Variants in EYA2 observed in about 807,000 individuals in gnomAD.
The protein encoded by EYA2 is EYA transcriptional coactivator and phosphatase 2.
In EYA2, 31 loss-of-function variants were observed where a neutral mutation model predicts 69.2. The observed-to-expected ratio is 0.45, with a 90% confidence interval of 0.34 to 0.60. The LOEUF (loss-of-function observed/expected upper bound fraction) is 0.60, where lower values mean the gene tolerates loss of function less well. Ranked by LOEUF, EYA2 falls within the 20% of genes least tolerant of loss-of-function variation. The pLI, the probability that EYA2 is intolerant of heterozygous loss-of-function variation, is 0.02. For synonymous variants in EYA2, 257 were observed against 279.4 expected, an observed-to-expected ratio of 0.92 and a Z score of 0.80; for missense variants, 622 against 701.2, an observed-to-expected ratio of 0.89 and a Z score of 1.28.
intron 5 of EYA2, among the ~76,000 whole-genome samples, chr20:47,047,260 T>TGA (rs1475066844): frequency 6.6e-6 from 1 of 152,092 alleles, no homozygotes; most frequent in Non-Finnish European, 1.5e-5. Context: ...AGTGCGTGGA[T>TGA]GATCTGAGAC....
At chr20:46,934,874 T>C (rs1052704068) in intron 1 of EYA2, among the ~76,000 whole-genome samples, 9 of 152,212 alleles carry the variant, frequency 5.9e-5, no homozygotes, top group African/African-American at 2.2e-4. Flanking sequence ...GCCAGATGAT[T>C]GAAATCCTTG....
chr20:47,001,159 T>G (rs1213189618), intron 2 of EYA2, among the ~76,000 whole-genome samples: 3 of 152,102 alleles, frequency 2.0e-5, no homozygotes, highest in Non-Finnish European at 4.4e-5. Context: ...AGAAATGGAC[T>G]CTACTCTGAT....
At chr20:47,083,404 C>T (rs1026448229) in intron 7 of EYA2, among the ~76,000 whole-genome samples, 2 of 152,012 alleles carry the variant, frequency 1.3e-5, no homozygotes, top group African/African-American at 2.4e-5. Flanking sequence ...TGATGAAACC[C>T]CGTCTCTACT....
intron 5 of EYA2, among the ~76,000 whole-genome samples, chr20:47,056,732 A>ATTT: frequency 6.6e-6 from 1 of 152,094 alleles, no homozygotes; most frequent in African/African-American, 2.4e-5. Context: ...AGGAGACAGG[A>ATTT]CCCTGCTCTT....
chr20:46,916,713 G>A (rs1317072244), intron 1 of EYA2, among the ~76,000 whole-genome samples: 1 of 152,110 alleles, frequency 6.6e-6, no homozygotes, highest in Non-Finnish European at 1.5e-5. Context: ...TATAGTGGGG[G>A]GCTTTTGGAG....
chr20:47,028,340 C>G (rs567041278), intron 5 of EYA2, among the ~76,000 whole-genome samples: 1 of 152,234 alleles, frequency 6.6e-6, no homozygotes, highest in African/African-American at 2.4e-5. Context: ...TAGGTTTTTC[C>G]TAGACATGCA....
intron 5 of EYA2, among the ~76,000 whole-genome samples, chr20:47,049,593 C>T (rs1482919097): frequency 1.8e-5 from 1 of 55,602 alleles, no homozygotes; most frequent in Non-Finnish European, 5.5e-5. Context: ...CGTCGTGTGA[C>T]ACCCCCTGCT....
At chr20:46,911,295 T>A (rs1019205335) in intron 1 of EYA2, among the ~76,000 whole-genome samples, 1 of 152,110 alleles carries the variant, frequency 6.6e-6, no homozygotes, top group African/African-American at 2.4e-5. Context: ...GCATTTAATA[T>A]GTCCATGTGG....
intron 9 of EYA2, among the ~76,000 whole-genome samples, chr20:47,102,253 A>G (rs994993478): frequency 1.3e-5 from 2 of 152,136 alleles, no homozygotes; most frequent in Admixed American, 1.3e-4. Flanking sequence ...GCCCATCCAT[A>G]TGCCAACCTC....
At chr20:47,161,059 C>T (rs2146632845) in intron 10 of EYA2, 4 of 296,558 alleles carry the variant, frequency 1.3e-5, no homozygotes, top group South Asian at 8.0e-5. Context: ...GCAGCTGCGG[C>T]GTAGCAGTCA....
intron 12 of EYA2, 140 bp downstream of exon 12, chr20:47,173,007 C>A (rs1266475424): frequency 1.1e-6 from 1 of 910,722 alleles, no homozygotes; most frequent in Non-Finnish European, 1.6e-6. Context: ...CTGACGACAC[C>A]CTTCGGAATA....
intron 1 of EYA2, among the ~76,000 whole-genome samples, chr20:46,960,468 A>G (rs1979406322): frequency 6.6e-6 from 1 of 152,134 alleles, no homozygotes; most frequent in East Asian, 1.9e-4. Context: ...CAGCAGCGCT[A>G]TGGACTAGAA....
intron 10 of EYA2, among the ~76,000 whole-genome samples, chr20:47,154,970 C>T (rs896446852): frequency 6.6e-5 from 10 of 151,544 alleles, no homozygotes; most frequent in South Asian, 2.1e-4. Context: ...CTCAGCCTCC[C>T]GAGTAGTTGG....
chr20:47,001,935 ATT>A (rs375314942), intron 3 of EYA2, among the ~76,000 whole-genome samples: 1 of 114,538 alleles, frequency 8.7e-6, no homozygotes, highest in Non-Finnish European at 1.9e-5. Flanking sequence ...TCTCCCTTCT[ATT>A]TTTTTTTTCT....
intron 1 of EYA2, among the ~76,000 whole-genome samples, chr20:46,914,977 G>A (rs35893705): frequency 0.45 from 68,574 of 152,058 alleles, 16,430 homozygotes; most frequent in South Asian, 0.55. Flanking sequence ...GGGACATCGT[G>A]CTTGAGAGCT....
chr20:46,931,410 T>A (rs1358469981), intron 1 of EYA2, among the ~76,000 whole-genome samples: 1 of 152,222 alleles, frequency 6.6e-6, no homozygotes, highest in Non-Finnish European at 1.5e-5. Context: ...GCTGGCGACA[T>A]GGCACAGGCT....
At chr20:47,064,595 T>A (rs1171663548) in intron 5 of EYA2, among the ~76,000 whole-genome samples, 1 of 152,244 alleles carries the variant, frequency 6.6e-6, no homozygotes, top group Non-Finnish European at 1.5e-5. Flanking sequence ...CCGTTTTACA[T>A]TCCACCAGCG....
At chr20:47,039,122 C>CACACACAG (rs1443843488) in intron 5 of EYA2, among the ~76,000 whole-genome samples, 1 of 151,910 alleles carries the variant, frequency 6.6e-6, no homozygotes, top group Non-Finnish European at 1.5e-5. Flanking sequence ...CACACACACA[C>CACACACAG]ACACACACAC....
chr20:47,153,477 C>CA (rs1387984337), intron 10 of EYA2, among the ~76,000 whole-genome samples: 1 of 150,348 alleles, frequency 6.7e-6, no homozygotes, highest in African/African-American at 2.5e-5. Context: ...CCCATATCTT[C>CA]AAAAAATACA....
Sources: allele counts gnomAD v4.1 joint callset (sites outside exome capture counted in the v4.1 genomes callset), GRCh38; gene constraint gnomAD v4.1.1; transcripts MANE v1.5; gene names NCBI Gene and HGNC (gene_info 2026-07-23, HGNC 2026-07-21).